The following PPL variants were observed in gnomAD, a reference collection of about 807,000 sequenced individuals.
The protein encoded by PPL is periplakin.
PPL carries 198 observed loss-of-function variants against 194.4 expected under a neutral mutation model. The ratio of observed to expected loss-of-function variants is 1.02; its 90% CI spans 0.91 to 1.15. PPL has a LOEUF of 1.15. Ranked by LOEUF, PPL falls within the 50% of genes most tolerant of loss-of-function variation. The probability of loss-of-function intolerance (pLI) is 0.00; values close to 1 mark genes in which losing one functional copy is unlikely to be tolerated. For missense variants in PPL, 2,885 were observed against 2,294.8 expected, an observed-to-expected ratio of 1.26 and a Z score of -5.25; for synonymous variants, 1,220 against 972.4, an observed-to-expected ratio of 1.25 and a Z score of -4.74.
Position 4,891,880 on chromosome 16 carries a change from G to T in PPL, c.1899C>A (p.Asn633Lys). ...GCACTGTGTCATCCTGATTCAGATG[G>T]TTCTCGTGTGTGGCCAGCAACTCCC... ...QSWELLATHE[N>K]HLNQDDTVPE... The change falls in exon 16 of 22, where the codon AAC becomes AAA. Residue 633 changes from asparagine to lysine, a missense_variant. Transcript: ENST00000345988. The T allele has an allele frequency of 6.2e-7, 1 of 1,613,562 alleles. No individual in the cohort carries two copies. Among genetic ancestry groups the T allele is most frequent in the East Asian group, 2.2e-5 (1 of 44,882 alleles).
At chr16:4,934,374 C>T (rs1198738227) in intron 1 of PPL, among the ~76,000 whole-genome samples, 1 of 152,110 alleles carries the variant, frequency 6.6e-6, no homozygotes, top group African/African-American at 2.4e-5. Context: ...ATGAAAGTCA[C>T]CACTTGGGGC....
rs200049192 is a variant in PPL, at chr16:4,883,486, C to T, written c.5169G>A (p.Glu1723=). 6.2e-7 allele frequency: 1 copy of T among 1,614,220 alleles called. No individual in the cohort carries two copies. Among genetic ancestry groups the T allele is most frequent in the African/African-American group, 1.3e-5 (1 of 75,054 alleles). Reference sequence around the variant, plus strand: ...GGGTCAGCCTGCCACTCTGCAGGGCCTCTTCGATGGAGAACTTCTTGCCAG... The same window carrying T: ...GGGTCAGCCTGCCACTCTGCAGGGCTTCTTCGATGGAGAACTTCTTGCCAG... The part of the protein sequence containing the change: ...RKSGKKFSIE[E]ALQSGRLTPA... The change falls in exon 22 of 22, where the codon GAG becomes GAA. Residue 1723 remains glutamate, a synonymous_variant. Coordinates refer to ENST00000345988, the MANE Select transcript of PPL (RefSeq NM_002705.5). This position sits in a 1 kb window ranked among gnomAD's most constrained non-coding sequence, Gnocchi z 4.8.
At chr16:4,895,791 T>C (rs1281132412) in intron 9 of PPL, 75 bp from the exon 10 acceptor site, 5 of 1,600,610 alleles carry the variant, frequency 3.1e-6, no homozygotes, top group Non-Finnish European at 3.4e-6. Flanking sequence ...GGCTTCAAGC[T>C]CATCCCTCAG....
At chr16:4,922,106 C>T (rs920591933) in intron 1 of PPL, among the ~76,000 whole-genome samples, 1 of 152,058 alleles carries the variant, frequency 6.6e-6, no homozygotes, top group East Asian at 1.9e-4. Context: ...GCAGTGTGGC[C>T]CAGTGGTTAA....
intron 1 of PPL, among the ~76,000 whole-genome samples, chr16:4,936,450 C>T (rs1467999152): frequency 6.6e-6 from 1 of 152,200 alleles, no homozygotes; most frequent in East Asian, 1.9e-4. Flanking sequence ...CCATCCCTCG[C>T]CTCCCCGACG....
At chr16:4,914,778 T>G (rs1700721277) in intron 1 of PPL, among the ~76,000 whole-genome samples, 1 of 152,094 alleles carries the variant, frequency 6.6e-6, no homozygotes. Flanking sequence ...TGGGGGGCTT[T>G]GGATGGAGGA....
intron 21 of PPL, 23 bp from the exon 22 acceptor site, chr16:4,886,070 A>G: frequency 6.2e-7 from 1 of 1,613,376 alleles, no homozygotes; most frequent in Non-Finnish European, 8.5e-7. Flanking sequence ...AGACAAGACA[A>G]GGTTAAAGCC....
chr16:4,913,930 G>A (rs770884427), intron 1 of PPL, among the ~76,000 whole-genome samples: 2 of 152,170 alleles, frequency 1.3e-5, no homozygotes, highest in Non-Finnish European at 2.9e-5. Context: ...CCACCCCACA[G>A]ACCAGGAGGA....
rs765249963 is a variant in PPL at position 4,887,173 on chromosome 16, G to T, written c.2569C>A (p.Leu857Met). The T allele has an allele frequency of 6.2e-7, 1 of 1,614,050 alleles. No individual in the cohort carries two copies. The highest frequency in any genetic ancestry group is 1.3e-5 in the African/African-American group (1 of 74,942). ...TTCAGAGCAAACTCCAGATTCTGCA[G>T]CCTCTGTCTGTTGATGGCATAAACT... ...TEVYAINRQR[L>M]QNLEFALNLL... The change falls in exon 21 of 22, where the codon CTG (leucine) becomes ATG (methionine). Residue 857 changes from leucine (L) to methionine (M), a missense_variant. Transcript: ENST00000345988.
In PPL at chr16:4,902,814, C is replaced by A. The variant is rs767340982; in HGVS notation, c.318-288G>T. ...AAGCAATTCTCCTGCCTCAACCTCCCGAGTAGCTGGGATTACAGGCATGTG... is the reference window on the plus strand; with the variant it reads ...AAGCAATTCTCCTGCCTCAACCTCCAGAGTAGCTGGGATTACAGGCATGTG... On this transcript the variant is annotated intron_variant, in intron 3 of 21. Coordinates refer to ENST00000345988, the MANE Select transcript of PPL (RefSeq NM_002705.5). This position sits in a 1 kb window ranked among gnomAD's most constrained non-coding sequence, Gnocchi z 4.0. 1.3e-5 allele frequency among the ~76,000 whole-genome samples: 2 copies of A among 152,106 alleles called. No individual in the cohort carries two copies. The highest frequency in any genetic ancestry group is 4.8e-5 in the African/African-American group (2 of 41,422).
At chr16:4,919,737 T>C (rs1393377322) in intron 1 of PPL, among the ~76,000 whole-genome samples, 2 of 151,540 alleles carry the variant, frequency 1.3e-5, no homozygotes, top group African/African-American at 4.8e-5. Context: ...CGAGACCAAA[T>C]TGGGCAAATA....
At chr16:4,936,943 G>C (rs1338726292) in intron 1 of PPL, 41 bp downstream of exon 1, 2 of 1,563,346 alleles carry the variant, frequency 1.3e-6, no homozygotes, top group Non-Finnish European at 1.7e-6. Context: ...CGCCCACAGG[G>C]GCAAGAGCGT....
chr16:4,926,887 AAAAAAC>A (rs920325508), intron 1 of PPL, among the ~76,000 whole-genome samples: 2 of 115,766 alleles, frequency 1.7e-5, no homozygotes, highest in Non-Finnish European at 3.8e-5. Flanking sequence ...TCAAAAAAAA[AAAAAAC>A]AAAAAAAAAC....
At chr16:4,930,583 A>C (rs1389371687) in intron 1 of PPL, among the ~76,000 whole-genome samples, 1 of 152,186 alleles carries the variant, frequency 6.6e-6, no homozygotes, top group East Asian at 1.9e-4. Context: ...GTCTGGGGGA[A>C]GGCAGCCACA....
chr16:4,920,550 G>A (rs2089029571), intron 1 of PPL, among the ~76,000 whole-genome samples: 5 of 152,094 alleles, frequency 3.3e-5, no homozygotes, highest in South Asian at 2.1e-4. Flanking sequence ...TGCAACCTCC[G>A]TCTCTGGATT....
At position 4,899,157 on chromosome 16, in the gene PPL, G is replaced by T. The variant is rs373221709; in HGVS notation, c.769-37C>A. 34 of 1,613,466 alleles carry T rather than the reference G, an allele frequency of 2.1e-5. No individual in the cohort carries two copies. In the African/African-American group the frequency reaches 4.0e-4, roughly 19 times the overall value. ...GGCAGTGGAGGGGCCTCAGTGCCCAGCCTGGCGGTCCCGTGCTCCTTCCAG... is the reference window on the plus strand; with the variant it reads ...GGCAGTGGAGGGGCCTCAGTGCCCATCCTGGCGGTCCCGTGCTCCTTCCAG... On this transcript the variant is annotated intron_variant, in intron 7 of 21. Coordinates refer to ENST00000345988, the MANE Select transcript of PPL (RefSeq NM_002705.5).
chr16:4,915,749 G>A (rs1203673633), intron 1 of PPL, among the ~76,000 whole-genome samples: 2 of 152,174 alleles, frequency 1.3e-5, no homozygotes, highest in African/African-American at 4.8e-5. Flanking sequence ...CACTGTTTCT[G>A]ACTCAATCTT....
At chr16:4,920,927 G>A (rs1227580302) in intron 1 of PPL, among the ~76,000 whole-genome samples, 2 of 152,114 alleles carry the variant, frequency 1.3e-5, no homozygotes, top group Non-Finnish European at 2.9e-5. Context: ...TATACAATTC[G>A]GGCCTTGCTG....
intron 3 of PPL, among the ~76,000 whole-genome samples, chr16:4,903,062 G>A (rs1314471223): frequency 6.6e-6 from 1 of 152,186 alleles, no homozygotes; most frequent in Admixed American, 6.5e-5. Context: ...ATGATAGAAA[G>A]TTCTGGAATA....
Sources: gnomAD v4.1 joint callset for allele counts (sites outside exome capture counted in the v4.1 genomes callset) on GRCh38, gnomAD v4.1.1 for gene constraint, Gnocchi (gnomAD v3.1) non-coding constraint, MANE v1.5 for transcripts, NCBI Gene and HGNC (gene_info 2026-07-23, HGNC 2026-07-21) for gene names.